The following PHLPP1 variants were observed in gnomAD, a reference collection of about 807,000 sequenced individuals.
PHLPP1 encodes the protein PH domain leucine-rich repeat-containing protein phosphatase 1.
PHLPP1 carries 42 observed loss-of-function variants against 117.2 expected under a neutral mutation model. The observed-to-expected ratio is 0.36, with a 90% CI of 0.28 to 0.46. The LOEUF (loss-of-function observed/expected upper bound fraction) is 0.46, where lower values mean the gene tolerates loss of function less well. Among genes scored for constraint, PHLPP1 ranks in the 20% least tolerant of loss-of-function variants. PHLPP1 has a pLI of 1.00. For missense variants in PHLPP1, 2,084 were observed against 2,241.9 expected (o/e 0.93, Z 1.42); for synonymous variants, 1,042 against 970.7 (o/e 1.07, Z -1.37).
intron 1 of PHLPP1, among the ~76,000 whole-genome samples, chr18:62,789,785 G>A (rs1913403602): frequency 6.6e-6 from 1 of 152,104 alleles, no homozygotes; most frequent in African/African-American, 2.4e-5. Flanking sequence ...AGTAGTTCAA[G>A]GCCGCACCCG....
At position 62,839,029 on chromosome 18, in the gene PHLPP1, A is replaced by G. The variant is rs1914986923; in HGVS notation, c.1899+120A>G. On this transcript the variant is annotated intron_variant, in intron 3 of 16. Transcript: ENST00000262719. Reference sequence around the variant, plus strand: ...CACACTTTTTTTTTCCTCCCCAGATACTGCCAGTGATTAGCAATTTTTAGT... The same window carrying G: ...CACACTTTTTTTTTCCTCCCCAGATGCTGCCAGTGATTAGCAATTTTTAGT... 9 of 1,012,674 alleles carry G rather than the reference A, an allele frequency of 8.9e-6. No homozygotes were observed. In the South Asian group the frequency reaches 1.6e-4, roughly 18 times the overall value. 62.7% of individuals were successfully genotyped at this position (1,012,674 alleles called of 1,614,324 possible).
At chr18:62,848,684 G>A (rs1372644931) in intron 3 of PHLPP1, among the ~76,000 whole-genome samples, 1 of 152,030 alleles carries the variant, frequency 6.6e-6, no homozygotes, top group Non-Finnish European at 1.5e-5. Context: ...GGCTGGCCTT[G>A]AGCTCCTGGG....
At chr18:62,925,769 T>G (rs1370561905) in intron 10 of PHLPP1, among the ~76,000 whole-genome samples, 1 of 152,208 alleles carries the variant, frequency 6.6e-6, no homozygotes, top group African/African-American at 2.4e-5. Context: ...AGATAGTGTT[T>G]CTCAAAGTGT....
chr18:62,961,098 A>G (rs897298182), intron 13 of PHLPP1, among the ~76,000 whole-genome samples: 1 of 152,132 alleles, frequency 6.6e-6, no homozygotes, highest in African/African-American at 2.4e-5. Flanking sequence ...GGAGTTTGCA[A>G]CCAGCCTGAC....
At chr18:62,961,195 C>T (rs925705814) in intron 13 of PHLPP1, among the ~76,000 whole-genome samples, 2 of 152,158 alleles carry the variant, frequency 1.3e-5, no homozygotes, top group African/African-American at 4.8e-5. Context: ...ACTCAGGAGG[C>T]TGAGGCAGGA....
At chr18:62,939,004 T>A (rs1279694348) in intron 10 of PHLPP1, among the ~76,000 whole-genome samples, 2 of 150,832 alleles carry the variant, frequency 1.3e-5, no homozygotes, top group Non-Finnish European at 1.5e-5. Context: ...CTTTTTTTTT[T>A]TTTGAGCCGG....
chr18:62,769,988 C>A (rs1332427975), intron 1 of PHLPP1, among the ~76,000 whole-genome samples: 8 of 152,206 alleles, frequency 5.3e-5, no homozygotes, highest in Non-Finnish European at 1.2e-4. Context: ...CATCTTTCCT[C>A]CATGTTTGCA....
chr18:62,853,431 G>A (rs993197304), intron 3 of PHLPP1, among the ~76,000 whole-genome samples: 3 of 151,232 alleles, frequency 2.0e-5, no homozygotes, highest in East Asian at 1.9e-4. Context: ...GTGCAGTGGC[G>A]CAATCTTGGC....
intron 1 of PHLPP1, among the ~76,000 whole-genome samples, chr18:62,764,629 G>A (rs183365818): frequency 6.6e-6 from 1 of 150,942 alleles, no homozygotes; most frequent in East Asian, 2.0e-4. Context: ...GCGCATGCCT[G>A]TAAGCCCAGC....
Position 62,941,727 on chromosome 18 carries a change from C to G in PHLPP1, c.2970C>G (p.Phe990Leu). The G allele has an allele frequency of 6.2e-7, 1 of 1,612,086 alleles. No individual in the cohort carries two copies. The highest frequency in any genetic ancestry group is 8.5e-7 in the Non-Finnish European group (1 of 1,178,694). The change falls in exon 11 of 17, where the codon TTC becomes TTG. Residue 990 changes from phenylalanine to leucine, a missense_variant. Physicochemically the swap from Phe to Leu is conservative, Grantham distance 22. This residue lies in a region of PHLPP1 where 1,365 missense variants were observed against 1,605.9 expected (regional missense o/e 0.85). Coordinates refer to ENST00000262719, the MANE Select transcript of PHLPP1 (RefSeq NM_194449.4). ...CGTTTTGTCATTGTAGCCTGAGATT[C>G]CTGAACGCCTCTGCGAACAAACTGG... ...NLLMKADSLR[F>L]LNASANKLES...
At chr18:62,788,970 G>A (rs1336593796) in intron 1 of PHLPP1, among the ~76,000 whole-genome samples, 1 of 152,122 alleles carries the variant, frequency 6.6e-6, no homozygotes, top group Non-Finnish European at 1.5e-5. Flanking sequence ...AGAAAACCCA[G>A]CTTAACGTGC....
intron 1 of PHLPP1, among the ~76,000 whole-genome samples, chr18:62,772,899 G>GTTT (rs1319037432): frequency 1.4e-5 from 2 of 145,024 alleles, no homozygotes; most frequent in Non-Finnish European, 3.0e-5. Flanking sequence ...AAAAAAACAA[G>GTTT]TAACAAAATA....
chr18:62,921,502 T>C (rs1213956562), intron 10 of PHLPP1, among the ~76,000 whole-genome samples: 1 of 152,208 alleles, frequency 6.6e-6, no homozygotes, highest in Non-Finnish European at 1.5e-5. Flanking sequence ...TCACACACTG[T>C]ATTGTAATTT....
At chr18:62,775,257 C>A (rs1912914001) in intron 1 of PHLPP1, among the ~76,000 whole-genome samples, 1 of 152,088 alleles carries the variant, frequency 6.6e-6, no homozygotes, top group Non-Finnish European at 1.5e-5. Context: ...ACCACCACGC[C>A]CGGCTAATTT....
At chr18:62,939,869 G>C (rs1309424415) in intron 10 of PHLPP1, among the ~76,000 whole-genome samples, 2 of 151,588 alleles carry the variant, frequency 1.3e-5, no homozygotes, top group African/African-American at 4.9e-5. Context: ...TAACTGCCTG[G>C]TATTCTGTAT....
At chr18:62,735,272 C>T (rs1911339845) in intron 1 of PHLPP1, among the ~76,000 whole-genome samples, 2 of 151,796 alleles carry the variant, frequency 1.3e-5, no homozygotes, top group African/African-American at 2.4e-5. Flanking sequence ...TTTGTAGAGA[C>T]GAGGTTTTGC....
At chr18:62,728,365 T>G (rs1025055950) in intron 1 of PHLPP1, among the ~76,000 whole-genome samples, 1 of 152,210 alleles carries the variant, frequency 6.6e-6, no homozygotes, top group Non-Finnish European at 1.5e-5. Context: ...TTTGAGCTCT[T>G]TGACTAATTT....
At position 62,902,501 on chromosome 18, in the gene PHLPP1, G is replaced by A. The variant is rs116869146; in HGVS notation, c.2445-463G>A. 2.8e-3 allele frequency among the ~76,000 whole-genome samples: 422 copies of A among 152,192 alleles called. 4 individuals carry two copies. The East Asian group carries it at 0.028, about 10-fold the overall frequency. On this transcript the variant is annotated intron_variant, in intron 6 of 16. Coordinates refer to ENST00000262719, the MANE Select transcript of PHLPP1 (RefSeq NM_194449.4). ...ACCTTTAATTCCATGCTACTCATCC[G>A]CCTGTTCATGCATCCTCTCTCCTTC...
chr18:62,943,834 A>G lies in PHLPP1; in HGVS notation c.3162-1275A>G, dbSNP rs377189528. 3.9e-5 allele frequency among the ~76,000 whole-genome samples: 6 copies of G among 152,316 alleles called. No individual in the cohort carries two copies. The East Asian group carries it at 7.7e-4, about 20-fold the overall frequency. ...ATATTTTTTTCAAAATATGATGATA[A>G]CATATTTAAATAATATTCTCAGAAA... On this transcript the variant is annotated intron_variant, in intron 11 of 16. Coordinates refer to ENST00000262719, the MANE Select transcript of PHLPP1 (RefSeq NM_194449.4).
Sources: gnomAD v4.1 joint callset for allele counts (sites outside exome capture counted in the v4.1 genomes callset) on GRCh38, gnomAD v4.1.1 for gene constraint, gnomAD v4.1.1 regional missense constraint, MANE v1.5 for transcripts, NCBI Gene and HGNC (gene_info 2026-07-23, HGNC 2026-07-21) for gene names.